Variants in ASPH observed in about 807,000 individuals in gnomAD.
The protein encoded by ASPH is aspartyl/asparaginyl beta-hydroxylase.
ASPH carries 100 observed loss-of-function variants against 118.4 expected under a neutral mutation model. The observed-to-expected ratio is 0.84, with a 90% CI of 0.72 to 1.00. The LOEUF (loss-of-function observed/expected upper bound fraction) is 1.00, where lower values mean the gene tolerates loss of function less well. ASPH is among the 50% of genes least tolerant of loss of function. The pLI is 0.00. For missense variants in ASPH, 920 were observed against 919.5 expected (o/e 1.00, Z -0.01); for synonymous variants, 315 against 325.6 (o/e 0.97, Z 0.35).
rs750845094 is a variant in ASPH at position 61,643,959 on chromosome 8, T to A, written c.695A>T (p.Glu232Val). 8 of 1,611,612 alleles carry A rather than the reference T, an allele frequency of 5.0e-6. No individual in the cohort carries two copies. In the Admixed American group the frequency reaches 1.3e-4, roughly 27 times the overall value. Residue 232 changes from glutamate (E) to valine (V), a missense_variant, in exon 8 of 25, where the codon GAG becomes GTG. Transcript: ENST00000379454. The part of the protein sequence containing the change: ...CNQDMEEMMS[E>V]QENPDSSEPV... The stretch of plus-strand genomic sequence containing the variant: ...CATTTACAAACCTGGATTTTCCTGC[T>A]CAGACATCATCTCTTCCATATCCTG...
Position 61,507,353 on chromosome 8 carries a change from G to A in ASPH, c.2127-3844C>T, listed in dbSNP as rs73259389. ...AGGGTTGTTAATTGGCCTGTTTCAG[G>A]GTCATAAAACTCTATGGGGAAAGTG... On this transcript the variant is annotated intron_variant, in intron 24 of 24. Transcript: ENST00000379454. Among the ~76,000 whole-genome samples the A allele has an allele frequency of 9.2e-3, 1,397 of 152,200 alleles. 12 individuals are homozygous for A. Among genetic ancestry groups the A allele is most frequent in the African/African-American group, 0.032 (1,338 of 41,504 alleles).
At chr8:61,665,194 T>G (rs1588906403) in intron 3 of ASPH, 1 of 1,520,954 alleles carries the variant, frequency 6.6e-7, no homozygotes, top group East Asian at 2.3e-5. Context: ...CCATGCTTTT[T>G]TGTAACAAAC....
chr8:61,579,324 C>T lies in ASPH; in HGVS notation c.1063-2466G>A, dbSNP rs555071413. 1.5e-4 allele frequency: 244 copies of T among 1,614,160 alleles called. No individual in the cohort carries two copies. The African/African-American group carries it at 2.2e-3, about 15-fold the overall frequency. On this transcript the variant is annotated intron_variant, in intron 15 of 24. Coordinates refer to ENST00000379454, the MANE Select transcript of ASPH (RefSeq NM_004318.4). ...GCAGCGGGCCAAGCAGGACATGGCACGGCAGCTGCGTGAGTACCAGGAGCT... is the reference window on the plus strand; with the variant it reads ...GCAGCGGGCCAAGCAGGACATGGCATGGCAGCTGCGTGAGTACCAGGAGCT...
intron 23 of ASPH, 23 bp downstream of exon 23, chr8:61,518,008 TC>T (rs1563668116): frequency 6.3e-7 from 1 of 1,584,086 alleles, no homozygotes; most frequent in Non-Finnish European, 8.7e-7. Context: ...AATTGTATTC[TC>T]CCCAGCACGA....
intron 14 of ASPH, among the ~76,000 whole-genome samples, chr8:61,612,945 G>C (rs1039390458): frequency 6.6e-6 from 1 of 152,090 alleles, no homozygotes. Flanking sequence ...CACCATTCAG[G>C]CTATATGCAT....
chr8:61,549,641 A>G (rs1418932466), intron 20 of ASPH, among the ~76,000 whole-genome samples: 3 of 152,204 alleles, frequency 2.0e-5, no homozygotes, highest in Non-Finnish European at 2.9e-5. Context: ...AAAATAGCAT[A>G]TATCTCTGAA....
chr8:61,577,087 A>C (rs1469037739), intron 15 of ASPH, among the ~76,000 whole-genome samples: 1 of 152,082 alleles, frequency 6.6e-6, no homozygotes, highest in Non-Finnish European at 1.5e-5. Flanking sequence ...CAGAAAACCA[A>C]ACATCGCATG....
chr8:61,565,796 C>G (rs896749067), intron 17 of ASPH, among the ~76,000 whole-genome samples: 1 of 152,160 alleles, frequency 6.6e-6, no homozygotes, highest in African/African-American at 2.4e-5. Context: ...GAGGATACAC[C>G]TACTGTGTTG....
At chr8:61,638,132 T>A (rs1858720663) in intron 11 of ASPH, 129 bp from the exon 12 acceptor site, 12 of 1,179,818 alleles carry the variant, frequency 1.0e-5, no homozygotes, top group Non-Finnish European at 1.3e-5. Context: ...TGACTCTTTT[T>A]AAACTGGGTC....
At chr8:61,563,893 C>G (rs1286890145) in intron 17 of ASPH, among the ~76,000 whole-genome samples, 5 of 152,330 alleles carry the variant, frequency 3.3e-5, no homozygotes, top group African/African-American at 9.6e-5. Context: ...ATCTGGGAAC[C>G]CTGTTGTGTT....
intron 13 of ASPH, among the ~76,000 whole-genome samples, chr8:61,628,028 G>A (rs909548821): frequency 7.9e-5 from 12 of 151,956 alleles, no homozygotes; most frequent in Non-Finnish European, 1.8e-4. Context: ...CACCATTTTT[G>A]GCTTAGCCTA....
intron 1 of ASPH, among the ~76,000 whole-genome samples, chr8:61,698,029 T>C (rs2151841812): frequency 6.6e-6 from 1 of 152,276 alleles, no homozygotes; most frequent in African/African-American, 2.4e-5. Flanking sequence ...GAACTCCTCC[T>C]GGCTTCAAGC....
At chr8:61,532,747 T>C (rs987101013) in intron 21 of ASPH, among the ~76,000 whole-genome samples, 4 of 152,224 alleles carry the variant, frequency 2.6e-5, no homozygotes, top group African/African-American at 9.6e-5. Flanking sequence ...CAGGATAGTA[T>C]AGTGTTTAGG....
intron 17 of ASPH, among the ~76,000 whole-genome samples, chr8:61,565,058 C>A (rs1265675849): frequency 6.6e-6 from 1 of 152,184 alleles, no homozygotes; most frequent in Admixed American, 6.5e-5. Context: ...GCCTTTGGTA[C>A]TGGGAACCTG....
intron 3 of ASPH, among the ~76,000 whole-genome samples, chr8:61,673,989 CA>C (rs1333238475): frequency 6.6e-6 from 1 of 152,014 alleles, no homozygotes; most frequent in Non-Finnish European, 1.5e-5. Context: ...TTTTCACTTA[CA>C]AAAATAAAGC....
chr8:61,543,087 G>A (rs1323424144), intron 21 of ASPH, among the ~76,000 whole-genome samples: 2 of 152,188 alleles, frequency 1.3e-5, no homozygotes. Context: ...TTGGCAATTT[G>A]ACTGTGATGT....
chr8:61,603,871 G>T (rs1844827170), intron 14 of ASPH, among the ~76,000 whole-genome samples: 1 of 152,168 alleles, frequency 6.6e-6, no homozygotes, highest in Non-Finnish European at 1.5e-5. Flanking sequence ...AAGAATTAAG[G>T]AATGACAGAA....
At chr8:61,564,615 C>T (rs114384015) in intron 17 of ASPH, among the ~76,000 whole-genome samples, 1,528 of 152,208 alleles carry the variant, frequency 0.01, 32 homozygotes, top group African/African-American at 0.035. Flanking sequence ...GCTGATTCTG[C>T]GTCCATGGCG....
intron 14 of ASPH, among the ~76,000 whole-genome samples, chr8:61,614,132 T>C (rs1270205574): frequency 1.3e-5 from 2 of 151,090 alleles, no homozygotes; most frequent in Non-Finnish European, 3.0e-5. Context: ...ATTATGACTT[T>C]AAAAAAAAAT....
Sources: gnomAD v4.1 joint callset for allele counts (sites outside exome capture counted in the v4.1 genomes callset) on GRCh38, gnomAD v4.1.1 for gene constraint, MANE v1.5 for transcripts, NCBI Gene and HGNC (gene_info 2026-07-23, HGNC 2026-07-21) for gene names.